NAT1: variants seen among roughly 807,000 people sequenced by gnomAD.
NAT1 encodes arylamine N-acetyltransferase 1.
For synonymous variants in NAT1, 144 were observed against 122.6 expected (o/e 1.17, Z -1.16); for missense variants, 400 against 339.2 (o/e 1.18, Z -1.41).
At chr8:18,179,241 C>G (rs1218413847) in intron 2 of NAT1, among the ~76,000 whole-genome samples, 2 of 152,156 alleles carry the variant, frequency 1.3e-5, no homozygotes, top group Non-Finnish European at 1.5e-5. Flanking sequence ...TTCCAGGACA[C>G]TCTTCATATC....
chr8:18,210,736 T>C (rs17126345), intron 1 of NAT1, among the ~76,000 whole-genome samples: 3,018 of 152,312 alleles, frequency 0.02, 93 homozygotes, highest in African/African-American at 0.068. Context: ...CCAGGAAGAT[T>C]GAATTCTGTT....
At chr8:18,181,699 TG>T (rs1377483443) in intron 2 of NAT1, among the ~76,000 whole-genome samples, 1 of 152,206 alleles carries the variant, frequency 6.6e-6, no homozygotes, top group Non-Finnish European at 1.5e-5. Flanking sequence ...TTTGGTATGA[TG>T]TTAGCTGCGG....
chr8:18,179,695 G>A (rs1462622796), intron 2 of NAT1, among the ~76,000 whole-genome samples: 2 of 152,092 alleles, frequency 1.3e-5, no homozygotes, highest in Admixed American at 6.6e-5. Flanking sequence ...CAGAATCAGA[G>A]CATAAAGCAT....
chr8:18,173,189 G>A (rs1257132314), intron 2 of NAT1, among the ~76,000 whole-genome samples: 1 of 150,572 alleles, frequency 6.6e-6, no homozygotes, highest in African/African-American at 2.5e-5. Flanking sequence ...ATGATCATGT[G>A]CACAGCACAG....
chr8:18,217,047 G>A, intron 1 of NAT1: 2 of 1,221,092 alleles, frequency 1.6e-6, no homozygotes, highest in Admixed American at 2.2e-5. Flanking sequence ...AGGGAGAAAG[G>A]CAACTTGTAG....
intron 2 of NAT1, among the ~76,000 whole-genome samples, chr8:18,189,420 T>C (rs912315206): frequency 1.7e-4 from 26 of 152,054 alleles, no homozygotes; most frequent in Non-Finnish European, 2.9e-5. Context: ...AGCAATACTC[T>C]GGGGGAGGCA....
At chr8:18,177,939 G>A (rs1032316838) in intron 2 of NAT1, among the ~76,000 whole-genome samples, 2 of 152,050 alleles carry the variant, frequency 1.3e-5, no homozygotes, top group Non-Finnish European at 2.9e-5. Context: ...TCACAGTATT[G>A]AACACATGGG....
At position 18,222,322 on chromosome 8, in the gene NAT1, A is replaced by ATGT. The variant is rs777226931; in HGVS notation, c.277_279dup (p.Val93dup). Reference sequence around the variant, plus strand: ...TTTGAGACCACGATGTTGGGAGGGTATGTTTACAGCACTCCAGCCAAAAAA... The same window carrying ATGT: ...TTTGAGACCACGATGTTGGGAGGGTATGTTGTTTACAGCACTCCAGCCAAAAAA... On this transcript the variant is annotated inframe_insertion, in exon 3 of 3. Coordinates refer to ENST00000307719, the MANE Select transcript of NAT1 (RefSeq NM_000662.8). 1 of 1,614,106 alleles carries ATGT rather than the reference A, an allele frequency of 6.2e-7. No individual in the cohort carries two copies. Among genetic ancestry groups the ATGT allele is most frequent in the Non-Finnish European group, 8.5e-7 (1 of 1,180,006 alleles).
At chr8:18,188,106 TTTACTC>T (rs1442951243) in intron 2 of NAT1, among the ~76,000 whole-genome samples, 2 of 152,134 alleles carry the variant, frequency 1.3e-5, no homozygotes, top group Admixed American at 1.3e-4. Flanking sequence ...TTAATATACT[TTTACTC>T]TTTGTACCTG....
chr8:18,182,554 G>A (rs965771585), intron 2 of NAT1, among the ~76,000 whole-genome samples: 4 of 152,254 alleles, frequency 2.6e-5, no homozygotes, highest in Admixed American at 6.5e-5. Flanking sequence ...GCTTTGCAGT[G>A]TCATATTTGT....
At position 18,171,114 on chromosome 8, in the gene NAT1, C is replaced by T. The variant is rs975561706; in HGVS notation, n.92+375C>T. ...TTGAGAGAGCATTTGAGAATCATGACAGAAACAGGACCCAGTCCTACAGGG... is the reference window on the plus strand; with the variant it reads ...TTGAGAGAGCATTTGAGAATCATGATAGAAACAGGACCCAGTCCTACAGGG... On this transcript the variant is annotated intron_variant and non_coding_transcript_variant, in intron 2 of 4. Transcript: ENST00000517441. Among the ~76,000 whole-genome samples the T allele has an allele frequency of 2.0e-5, 3 of 152,066 alleles. No homozygotes were observed. The South Asian group carries it at 6.2e-4, about 32-fold the overall frequency.
At chr8:18,173,053 T>C (rs944180529) in intron 2 of NAT1, among the ~76,000 whole-genome samples, 1 of 152,078 alleles carries the variant, frequency 6.6e-6, no homozygotes, top group African/African-American at 2.4e-5. Context: ...GGTGTTTTAT[T>C]GTCAGGCAGA....
intron 2 of NAT1, among the ~76,000 whole-genome samples, chr8:18,175,905 C>T (rs144834677): frequency 1.3e-5 from 2 of 152,168 alleles, no homozygotes; most frequent in East Asian, 3.9e-4. Context: ...GCTATTTTAA[C>T]AGATGTAAGG....
At chr8:18,173,076 T>G (rs1452538153) in intron 2 of NAT1, among the ~76,000 whole-genome samples, 1 of 152,072 alleles carries the variant, frequency 6.6e-6, no homozygotes, top group East Asian at 1.9e-4. Context: ...ACAGTGCTAC[T>G]GCTGCTGTAG....
chr8:18,175,034 T>C (rs1802237644), intron 2 of NAT1, among the ~76,000 whole-genome samples: 1 of 148,108 alleles, frequency 6.8e-6, no homozygotes, highest in African/African-American at 2.6e-5. Flanking sequence ...TGTATCATAT[T>C]CATGATTCCT....
chr8:18,202,049 A>G (rs980815657), intron 2 of NAT1, among the ~76,000 whole-genome samples: 1 of 152,224 alleles, frequency 6.6e-6, no homozygotes, highest in African/African-American at 2.4e-5. Flanking sequence ...TATAAAAGAA[A>G]TCCCCATTTG....
intron 2 of NAT1, among the ~76,000 whole-genome samples, chr8:18,192,776 T>C (rs1803052751): frequency 1.4e-5 from 2 of 145,246 alleles, no homozygotes; most frequent in Non-Finnish European, 3.0e-5. Flanking sequence ...CACCCATAGA[T>C]GGGAATTGAA....
At chr8:18,197,939 C>A (rs1803304089) in intron 2 of NAT1, among the ~76,000 whole-genome samples, 3 of 148,246 alleles carry the variant, frequency 2.0e-5, no homozygotes, top group African/African-American at 2.5e-5. Context: ...AGGCTAAGAA[C>A]TAAAATCATT....
intron 2 of NAT1, among the ~76,000 whole-genome samples, chr8:18,172,545 G>A (rs1802137522): frequency 6.6e-6 from 1 of 152,138 alleles, no homozygotes; most frequent in African/African-American, 2.4e-5. Context: ...CCCCTGGCCT[G>A]TGCCCATGCT....
Sources: allele counts gnomAD v4.1 joint callset (sites outside exome capture counted in the v4.1 genomes callset), GRCh38; gene constraint gnomAD v4.1.1; transcripts MANE v1.5; gene names NCBI Gene and HGNC (gene_info 2026-07-23, HGNC 2026-07-21).